The following RIPOR2 variants were observed in gnomAD, a reference collection of about 807,000 sequenced individuals.
RIPOR2 encodes the protein rho family-interacting cell polarization regulator 2.
RIPOR2 carries 39 observed loss-of-function variants against 114.5 expected under a neutral mutation model. The ratio of observed to expected loss-of-function variants is 0.34; its 90% CI spans 0.26 to 0.44. The LOEUF (loss-of-function observed/expected upper bound fraction) is 0.44, where lower values mean the gene tolerates loss of function less well. Ranked by LOEUF, RIPOR2 falls within the 20% of genes least tolerant of loss-of-function variation. The pLI is 1.00. For synonymous variants in RIPOR2, 445 were observed against 484.4 expected (o/e 0.92, Z 1.07); for missense variants, 1,007 against 1,255.1 (o/e 0.80, Z 2.99).
intron 1 of RIPOR2, among the ~76,000 whole-genome samples, chr6:24,964,556 G>T (rs1485840051): frequency 1.3e-5 from 2 of 152,254 alleles, no homozygotes; most frequent in Admixed American, 6.5e-5. Context: ...GAGACATTTT[G>T]GTTGTTTCCA....
rs900353427 is a variant in RIPOR2 at position 24,948,729 on chromosome 6, C to T, written c.77-72912G>A. Among the ~76,000 whole-genome samples the T allele has an allele frequency of 3.3e-5, 5 of 152,234 alleles. No homozygotes were observed. In the South Asian group the frequency reaches 1.0e-3, roughly 32 times the overall value. On this transcript the variant is annotated intron_variant, in intron 1 of 13. Transcript: ENST00000510784. ...TATTTTTAGTAGAGATGGGGTTTCT[C>T]CATGTTGGTCAGGCTGGTCTCAAAC...
At chr6:24,953,980 G>C (rs1245507581) in intron 1 of RIPOR2, among the ~76,000 whole-genome samples, 1 of 152,196 alleles carries the variant, frequency 6.6e-6, no homozygotes, top group Non-Finnish European at 1.5e-5. Context: ...CATGAACCTA[G>C]TGATGGGAAA....
intron 8 of RIPOR2, among the ~76,000 whole-genome samples, chr6:24,857,142 G>A (rs1763550694): frequency 6.6e-6 from 1 of 152,172 alleles, no homozygotes; most frequent in African/African-American, 2.4e-5. Context: ...GTAAGCCACT[G>A]GTGGTACTGG....
chr6:24,875,479 C>T (rs1374901778), intron 2 of RIPOR2, among the ~76,000 whole-genome samples: 1 of 152,164 alleles, frequency 6.6e-6, no homozygotes, highest in East Asian at 1.9e-4. Context: ...GTCCTAAATC[C>T]TCAGCCATCA....
chr6:24,825,519 AAGTAT>A (rs1423783472), intron 18 of RIPOR2, 91 bp from the exon 19 acceptor site: 3 of 903,670 alleles, frequency 3.3e-6, no homozygotes, highest in Non-Finnish European at 5.2e-6. Flanking sequence ...GTACATAAGA[AAGTAT>A]AGTATAGTAA....
chr6:24,847,620 A>G (rs1438263416), intron 12 of RIPOR2: 1 of 1,551,718 alleles, frequency 6.4e-7, no homozygotes, highest in African/African-American at 1.4e-5. Flanking sequence ...GCAGCTTGGC[A>G]AAGAAAGTGT....
At chr6:25,019,442 A>C (rs2113706285) in intron 1 of RIPOR2, among the ~76,000 whole-genome samples, 1 of 152,330 alleles carries the variant, frequency 6.6e-6, no homozygotes, top group East Asian at 1.9e-4. Context: ...ATAGCTAATA[A>C]TTGTATAAAG....
chr6:24,907,957 G>A (rs1769158557), intron 1 of RIPOR2, among the ~76,000 whole-genome samples: 1 of 152,030 alleles, frequency 6.6e-6, no homozygotes, highest in Admixed American at 6.6e-5. Flanking sequence ...TGGGCTATCT[G>A]TACCTCCTCT....
intron 1 of RIPOR2, among the ~76,000 whole-genome samples, chr6:24,884,227 T>C (rs2113939791): frequency 6.6e-6 from 1 of 151,492 alleles, no homozygotes; most frequent in East Asian, 2.0e-4. Flanking sequence ...GCTAACATGG[T>C]GAAACCCCCG....
In RIPOR2 at chr6:24,835,290, C is replaced by T. The variant is rs1321501620; in HGVS notation, c.2208+413G>A. On this transcript the variant is annotated intron_variant, in intron 15 of 21. Transcript: ENST00000643898. ...AGGAGACTGTGGTTAGATTCTTTAA[C>T]ACTTTCTTTTAGCTATCCAGGTGGT... Among the ~76,000 whole-genome samples, 6 of 152,196 alleles carry T rather than the reference C, an allele frequency of 3.9e-5. No individual in the cohort carries two copies. The East Asian group carries it at 7.7e-4, about 20-fold the overall frequency.
intron 1 of RIPOR2, among the ~76,000 whole-genome samples, chr6:24,926,731 C>A (rs927313194): frequency 6.6e-6 from 1 of 152,134 alleles, no homozygotes; most frequent in South Asian, 2.1e-4. Flanking sequence ...ATCGCCGTTA[C>A]ATAATAACTG....
Position 24,948,533 on chromosome 6 carries a change from CTTTTT to C in RIPOR2, c.77-72721_77-72717del, listed in dbSNP as rs35993841. ...CACTCTGCTATTTCTTTCTTTCTTT[CTTTTT>C]TTTTTTTTTTGAGATGGAGTTTCGC... On this transcript the variant is annotated intron_variant, in intron 1 of 13. Transcript: ENST00000510784. Among the ~76,000 whole-genome samples, 18 of 145,474 alleles carry C rather than the reference CTTTTT, an allele frequency of 1.2e-4. No homozygotes were observed. In the South Asian group the frequency reaches 2.2e-3, roughly 18 times the overall value.
At chr6:24,929,852 T>A (rs553821545) in intron 1 of RIPOR2, among the ~76,000 whole-genome samples, 1 of 152,232 alleles carries the variant, frequency 6.6e-6, no homozygotes, top group Non-Finnish European at 1.5e-5. Context: ...GGTGGGAGGA[T>A]CACTTAAGGC....
intron 1 of RIPOR2, among the ~76,000 whole-genome samples, chr6:24,933,749 C>T (rs1004119104): frequency 3.3e-5 from 5 of 152,134 alleles, no homozygotes; most frequent in African/African-American, 7.2e-5. Flanking sequence ...ATGGGTACCA[C>T]GAAGCAGAAC....
At position 24,965,014 on chromosome 6, in the gene RIPOR2, C is replaced by T. The variant is rs990984619; in HGVS notation, c.76+76837G>A. ...TTCTTATTTCTAAGATTTGAGAGTT[C>T]TTTATATATTTTGGATATTGTCTTT... On this transcript the variant is annotated intron_variant, in intron 1 of 13. Transcript: ENST00000510784. 2.6e-5 allele frequency among the ~76,000 whole-genome samples: 4 copies of T among 151,944 alleles called. No homozygotes were observed. In the South Asian group the frequency reaches 8.3e-4, roughly 31 times the overall value.
At chr6:24,995,800 A>ATTTTT (rs35560241) in intron 1 of RIPOR2, among the ~76,000 whole-genome samples, 36 of 136,710 alleles carry the variant, frequency 2.6e-4, no homozygotes, top group Middle Eastern at 7.9e-3. Context: ...AACTAGAGTG[A>ATTTTT]TTTTTTTTTT....
chr6:24,939,519 G>A (rs2114172957), upstream of RIPOR2, among the ~76,000 whole-genome samples: 1 of 152,308 alleles, frequency 6.6e-6, no homozygotes, highest in Middle Eastern at 3.4e-3. Context: ...GCAGAAAGGA[G>A]AAGGGCAGAA....
intron 1 of RIPOR2, among the ~76,000 whole-genome samples, chr6:24,971,760 A>C (rs1773798542): frequency 6.6e-6 from 1 of 152,220 alleles, no homozygotes; most frequent in Admixed American, 6.5e-5. Context: ...TGACTTGTTG[A>C]GCCTTGAGCA....
chr6:24,860,915 G>T, intron 8 of RIPOR2, 58 bp downstream of exon 8: 1 of 1,099,970 alleles, frequency 9.1e-7, no homozygotes, highest in Non-Finnish European at 1.3e-6. Context: ...CAAACTTCAA[G>T]GAGCTCTGCA....
Sources: gnomAD v4.1 joint callset for allele counts (sites outside exome capture counted in the v4.1 genomes callset) on GRCh38, gnomAD v4.1.1 for gene constraint, MANE v1.5 for transcripts, NCBI Gene and HGNC (gene_info 2026-07-23, HGNC 2026-07-21) for gene names.